Variants in CEP44 observed in about 807,000 individuals in gnomAD.
CEP44 encodes the protein centrosomal protein 44.
In CEP44, 45 loss-of-function variants were observed where a neutral mutation model predicts 46.7. The ratio of observed to expected loss-of-function variants is 0.96; its 90% CI spans 0.76 to 1.24. The LOEUF (loss-of-function observed/expected upper bound fraction) is 1.24, where lower values mean the gene tolerates loss of function less well. CEP44 is among the 50% of genes most tolerant of loss of function. The pLI is 0.00. For missense variants in CEP44, 475 were observed against 459.7 expected, an observed-to-expected ratio of 1.03 and a Z score of -0.30; for synonymous variants, 142 against 146.0, an observed-to-expected ratio of 0.97 and a Z score of 0.20.
rs1462388346 is a variant in CEP44, at chr4:174,302,131, C to A, written c.182C>A (p.Ser61Tyr). 6.2e-7 allele frequency: 1 copy of A among 1,610,966 alleles called. No individual in the cohort carries two copies. Among genetic ancestry groups the A allele is most frequent in the Admixed American group, 1.7e-5 (1 of 59,556 alleles). Reference protein sequence around the residue: ...SPYVTELIMESNVELIAKNDL... With the variant: ...SPYVTELIMEYNVELIAKNDL... ...TATGTAACAGAACTTATAATGGAAT[C>A]CAATGTAGAGCTCATAGCAAAAAAT... The change falls in exon 4 of 12, where the codon TCC becomes TAC. Residue 61 changes from serine to tyrosine, a missense_variant. Coordinates refer to ENST00000503780, the MANE Select transcript of CEP44 (RefSeq NM_001040157.3).
intron 1 of CEP44, among the ~76,000 whole-genome samples, chr4:174,293,379 C>T (rs1279883403): frequency 6.6e-6 from 1 of 152,146 alleles, no homozygotes; most frequent in Non-Finnish European, 1.5e-5. Context: ...CCCATCAGGG[C>T]ACTTTTATAC....
chr4:174,319,424 C>G lies in CEP44; in HGVS notation c.*2041C>G, dbSNP rs1383405165. 1.0e-6 allele frequency: 1 copy of G among 982,498 alleles called. No individual in the cohort carries two copies. Among genetic ancestry groups the G allele is most frequent in the Non-Finnish European group, 1.2e-6 (1 of 827,314 alleles). The allele number at this position is 982,498 out of a possible 1,614,324, so 60.9% of individuals were successfully genotyped here. A position where few individuals can be genotyped will look rare whatever the true frequency, so the allele number is the denominator to read the frequency against. ...TTAAAACAAGTGATTTCCCATCAAA[C>G]AGGATAATATTTTTTCCCTTTTGAA... On this transcript the variant is annotated 3_prime_UTR_variant, in exon 12 of 12. Coordinates refer to ENST00000503780, the MANE Select transcript of CEP44 (RefSeq NM_001040157.3).
chr4:174,316,427 A>G, intron 10 of CEP44, 103 bp from the exon 11 acceptor site: 2 of 1,339,598 alleles, frequency 1.5e-6, no homozygotes, highest in East Asian at 2.3e-5. Flanking sequence ...AGTAAACAGT[A>G]CTTAATGCAA....
chr4:174,319,657 T>TG lies in CEP44; in HGVS notation c.*2275dup. ...TTGAAAATATAAAATATTTCATATATGTTATCAGGTGGAAATTTAGAATCC... is the reference window on the plus strand; with the variant it reads ...TTGAAAATATAAAATATTTCATATATGGTTATCAGGTGGAAATTTAGAATCC... On this transcript the variant is annotated 3_prime_UTR_variant, in exon 12 of 12. Transcript: ENST00000503780. 1 of 686,226 alleles carries TG rather than the reference T, an allele frequency of 1.5e-6. No homozygotes were observed. Among genetic ancestry groups the TG allele is most frequent in the Non-Finnish European group, 1.8e-6 (1 of 556,510 alleles). The allele number at this position is 686,226 out of a possible 1,614,324, so 42.5% of individuals were successfully genotyped here.
In CEP44 at chr4:174,314,724, G is replaced by A. The variant is rs1741463991; in HGVS notation, c.962-1442G>A. 6.6e-6 allele frequency among the ~76,000 whole-genome samples: 1 copy of A among 152,194 alleles called. No homozygotes were observed. Among genetic ancestry groups the A allele is most frequent in the South Asian group, 2.1e-4 (1 of 4,826 alleles). ...AAAAAAATCCAAGATTTAGTGCATA[G>A]TAGATATAGTTCCTGCCTAATTTCA... is the stretch of plus-strand genomic sequence containing the variant. On this transcript the variant is annotated intron_variant, in intron 9 of 11. Coordinates refer to ENST00000503780, the MANE Select transcript of CEP44 (RefSeq NM_001040157.3). This position sits in a 1 kb window ranked among gnomAD's most constrained non-coding sequence, Gnocchi z 4.1.
At chr4:174,304,144 C>T in intron 5 of CEP44, 103 bp from the exon 6 acceptor site, 1 of 1,286,716 alleles carries the variant, frequency 7.8e-7, no homozygotes, top group Admixed American at 3.0e-5. Context: ...CATTATTTGT[C>T]AGCTATATTT....
intron 1 of CEP44, chr4:174,284,413 T>G (rs73870251): frequency 5.0e-6 from 1 of 201,346 alleles, no homozygotes; most frequent in East Asian, 1.1e-4. Flanking sequence ...TCCTATTGGA[T>G]CCTCTGGGGT....
Position 174,317,328 on chromosome 4 carries a change from A to T in CEP44, c.1125-7A>T. 1 of 1,212,088 alleles carries T rather than the reference A, an allele frequency of 8.3e-7. No homozygotes were observed. Among genetic ancestry groups the T allele is most frequent in the Non-Finnish European group, 1.1e-6 (1 of 884,658 alleles). The allele number at this position is 1,212,088 out of a possible 1,614,324, so 75.1% of individuals were successfully genotyped here. On this transcript the variant is annotated splice_polypyrimidine_tract_variant and splice_region_variant and intron_variant, in intron 11 of 11. Transcript: ENST00000503780. ...ATTTACTTAATATATTATTTATTAT[A>T]TTTCAGGTTTGAAGAAACTGCAGAG... is the stretch of plus-strand genomic sequence containing the variant.
At position 174,318,103 on chromosome 4, in the gene CEP44, G is replaced by T; in HGVS notation, c.*720G>T. The T allele has an allele frequency of 3.1e-6, 3 of 977,444 alleles. No homozygotes were observed. The highest frequency in any genetic ancestry group is 3.6e-6 in the Non-Finnish European group (3 of 822,710). The allele number at this position is 977,444 out of a possible 1,614,324, so 60.5% of individuals were successfully genotyped here. On this transcript the variant is annotated 3_prime_UTR_variant, in exon 12 of 12. Transcript: ENST00000503780. ...GGGGGGATGGAGTTTCGCTGTTGTTGCCCAGGCTGGAGTGCAATAGCACGA... is the reference window on the plus strand; with the variant it reads ...GGGGGGATGGAGTTTCGCTGTTGTTTCCCAGGCTGGAGTGCAATAGCACGA...
chr4:174,309,940 A>C lies in CEP44; in HGVS notation c.769A>C (p.Arg257=). 6.2e-7 allele frequency: 1 copy of C among 1,612,818 alleles called. No homozygotes were observed. The highest frequency in any genetic ancestry group is 8.5e-7 in the Non-Finnish European group (1 of 1,179,188). ...TAAGAAACTGACTTCGATAGAGAAA[A>C]GGTTAGACTGTTTGGAACAAAAAAT... ...NLKKLTSIEK[R]LDCLEQKMKG... The change falls in exon 8 of 12, where the codon AGG becomes CGG. Residue 257 remains arginine, a synonymous_variant. Transcript: ENST00000503780. The surrounding 1 kb of genome is among the most constrained non-coding windows in gnomAD (Gnocchi z 5.3).
At position 174,299,223 on chromosome 4, in the gene CEP44, A is replaced by G. The variant is rs770304205; in HGVS notation, c.89+13A>G. On this transcript the variant is annotated intron_variant, in intron 3 of 11. Transcript: ENST00000503780. ...TGGACTGTGTAGGGTAAGCTATAAT[A>G]TCAAACTTAATTGTATTCTTCTTGC... 6.3e-7 allele frequency: 1 copy of G among 1,582,782 alleles called. No homozygotes were observed. Among genetic ancestry groups the G allele is most frequent in the Non-Finnish European group, 8.6e-7 (1 of 1,159,790 alleles).
At chr4:174,330,936 G>A (rs776582610) in intron 8 of CEP44, among the ~76,000 whole-genome samples, 4 of 151,936 alleles carry the variant, frequency 2.6e-5, no homozygotes, top group East Asian at 1.9e-4. Context: ...TATAAAGTTC[G>A]TTAATATAAA....
In CEP44 at chr4:174,287,983, G is replaced by A. The variant is rs1317327895; in HGVS notation, c.-148+4040G>A. Among the ~76,000 whole-genome samples, 1 of 152,134 alleles carries A rather than the reference G, an allele frequency of 6.6e-6. No homozygotes were observed. Among genetic ancestry groups the A allele is most frequent in the African/African-American group, 2.4e-5 (1 of 41,446 alleles). ...AACTTTGGGTGAAAAGTGAAAACTT[G>A]GATTTTGTAGTCCAGGCCCTTAATT... On this transcript the variant is annotated intron_variant, in intron 1 of 11. Transcript: ENST00000503780. The surrounding 1 kb of genome is among the most constrained non-coding windows in gnomAD (Gnocchi z 5.1).
chr4:174,300,565 A>G (rs1323482565), intron 3 of CEP44, among the ~76,000 whole-genome samples: 7 of 152,068 alleles, frequency 4.6e-5, no homozygotes, highest in Non-Finnish European at 2.9e-5. Context: ...CTTATTACCC[A>G]AAAGCATCAT....
rs1560911980 is a variant in CEP44 at position 174,312,838 on chromosome 4, C to G, written c.961+1980C>G. On this transcript the variant is annotated intron_variant, in intron 9 of 11. Coordinates refer to ENST00000503780, the MANE Select transcript of CEP44 (RefSeq NM_001040157.3). The surrounding 1 kb of genome is among the most constrained non-coding windows in gnomAD (Gnocchi z 4.5). Reference sequence around the variant, plus strand: ...ATGCAGAGAGCAATAATTTACTACTCTGGGTTTAGGATCATATTAAATCAG... The same window carrying G: ...ATGCAGAGAGCAATAATTTACTACTGTGGGTTTAGGATCATATTAAATCAG... Among the ~76,000 whole-genome samples the G allele has an allele frequency of 6.6e-6, 1 of 152,078 alleles. No homozygotes were observed. Among genetic ancestry groups the G allele is most frequent in the Non-Finnish European group, 1.5e-5 (1 of 68,010 alleles).
In CEP44 at chr4:174,311,148, T is replaced by G. The variant is rs113037335; in HGVS notation, c.961+290T>G. ...AATCAAGTGCTCTAGGATATTAATG[T>G]TGGCCTCCAAGTTTTTAAATTTAAG... On this transcript the variant is annotated intron_variant, in intron 9 of 11. Transcript: ENST00000503780. This position sits in a 1 kb window ranked among gnomAD's most constrained non-coding sequence, Gnocchi z 4.4. 6.6e-6 allele frequency among the ~76,000 whole-genome samples: 1 copy of G among 152,026 alleles called. No individual in the cohort carries two copies. Among genetic ancestry groups the G allele is most frequent in the African/African-American group, 2.4e-5 (1 of 41,448 alleles).
intron 9 of CEP44, among the ~76,000 whole-genome samples, chr4:174,315,232 ATT>A (rs200701841): frequency 4.0e-4 from 58 of 143,370 alleles, no homozygotes; most frequent in African/African-American, 4.3e-4. Flanking sequence ...TGGGTGTCTA[ATT>A]TTTTTTTTTT....
At chr4:174,305,761 T>A (rs1337851634) in intron 6 of CEP44, among the ~76,000 whole-genome samples, 1 of 152,208 alleles carries the variant, frequency 6.6e-6, no homozygotes, top group Non-Finnish European at 1.5e-5. Flanking sequence ...TTTTTGTACC[T>A]TCATTTTGCT....
Position 174,311,004 on chromosome 4 carries a change from G to A in CEP44, c.961+146G>A. 2.1e-6 allele frequency: 1 copy of A among 474,800 alleles called. No individual in the cohort carries two copies. The highest frequency in any genetic ancestry group is 3.3e-5 in the East Asian group (1 of 30,426). The allele number at this position is 474,800 out of a possible 1,614,324, so 29.4% of individuals were successfully genotyped here. A position where few individuals can be genotyped will look rare whatever the true frequency, so the allele number is the denominator to read the frequency against. On this transcript the variant is annotated intron_variant, in intron 9 of 11. Transcript: ENST00000503780. This position sits in a 1 kb window ranked among gnomAD's most constrained non-coding sequence, Gnocchi z 4.4. ...CATAATGAACCTACAGACTACTAAA[G>A]CCAAGAATTGCTTAACTAACCAGCC...
Sources: allele counts gnomAD v4.1 joint callset (sites outside exome capture counted in the v4.1 genomes callset), GRCh38; gene constraint gnomAD v4.1.1; non-coding constraint Gnocchi (gnomAD v3.1); transcripts MANE v1.5; gene names NCBI Gene and HGNC (gene_info 2026-07-23, HGNC 2026-07-21).